Variants in LHX8 observed in about 807,000 individuals in gnomAD.
LHX8 encodes the protein LIM/homeobox protein Lhx8.
LHX8 carries 12 observed loss-of-function variants against 40.3 expected under a neutral mutation model. The observed-to-expected ratio is 0.30, with a 90% CI of 0.19 to 0.48. LHX8 has a LOEUF of 0.48. Ranked by LOEUF, LHX8 falls within the 20% of genes least tolerant of loss-of-function variation. The pLI, the probability that LHX8 is intolerant of heterozygous loss-of-function variation, is 0.99. For missense variants in LHX8, 344 were observed against 433.7 expected (o/e 0.79, Z 1.84); for synonymous variants, 179 against 162.0 (o/e 1.10, Z -0.80).
At chr1:75,155,549 T>C (rs1648741745) in intron 7 of LHX8, among the ~76,000 whole-genome samples, 1 of 152,114 alleles carries the variant, frequency 6.6e-6, no homozygotes, top group Non-Finnish European at 1.5e-5. Flanking sequence ...AGAAACACTC[T>C]CTATGGTCAA....
the LHX8 span, among the ~76,000 whole-genome samples, chr1:75,182,348 A>G: frequency 2.0e-5 from 3 of 146,562 alleles, no homozygotes; most frequent in African/African-American, 7.5e-5. Context: ...ATTCTGTTTC[A>G]TTAGTCTACA....
chr1:75,194,890 T>G, the LHX8 span, among the ~76,000 whole-genome samples: 1 of 152,188 alleles, frequency 6.6e-6, no homozygotes, highest in Non-Finnish European at 1.5e-5. Flanking sequence ...CAAACATTCC[T>G]CTTTATAATC....
At chr1:75,183,556 C>A in the LHX8 span, among the ~76,000 whole-genome samples, 3 of 152,102 alleles carry the variant, frequency 2.0e-5, no homozygotes, top group South Asian at 6.2e-4. Context: ...AAATAAAATC[C>A]TTTCCCTATA....
chr1:75,154,046 TTA>T (rs1648687072), intron 7 of LHX8, among the ~76,000 whole-genome samples: 1 of 152,218 alleles, frequency 6.6e-6, no homozygotes, highest in Non-Finnish European at 1.5e-5. Flanking sequence ...TGATTTTAGC[TTA>T]GTTTATGATT....
the LHX8 span, among the ~76,000 whole-genome samples, chr1:75,177,258 C>G: frequency 2.0e-5 from 3 of 152,098 alleles, no homozygotes; most frequent in Non-Finnish European, 4.4e-5. Context: ...TGTAAATTAC[C>G]TTGGGCAGTA....
the LHX8 span, among the ~76,000 whole-genome samples, chr1:75,181,904 G>A: frequency 5.9e-5 from 9 of 151,978 alleles, no homozygotes; most frequent in Non-Finnish European, 7.4e-5. Context: ...TTAGTCCTTC[G>A]TTGGGTGCAT....
the LHX8 span, among the ~76,000 whole-genome samples, chr1:75,173,528 G>A: frequency 5.9e-5 from 9 of 151,566 alleles, no homozygotes; most frequent in Admixed American, 1.3e-4. Context: ...GACTTCAGGC[G>A]CCCACCACCA....
chr1:75,137,939 C>T (rs1648199962), intron 3 of LHX8, among the ~76,000 whole-genome samples: 1 of 152,286 alleles, frequency 6.6e-6, no homozygotes, highest in Non-Finnish European at 1.5e-5. Flanking sequence ...CTAGGCCACT[C>T]AATGCTGTTG....
At chr1:75,188,861 A>G in the LHX8 span, among the ~76,000 whole-genome samples, 1 of 152,162 alleles carries the variant, frequency 6.6e-6, no homozygotes, top group African/African-American at 2.4e-5. Flanking sequence ...TTTCAGCCCC[A>G]CTATCAGACT....
At chr1:75,165,278 T>G (rs545496560), downstream of LHX8, among the ~76,000 whole-genome samples, 14 of 152,340 alleles carry the variant, frequency 9.2e-5, no homozygotes, top group Admixed American at 2.0e-4. Context: ...TTTAGGAAGC[T>G]TCAATTAACA....
At chr1:75,155,456 G>T (rs150800349) in intron 7 of LHX8, among the ~76,000 whole-genome samples, 2 of 151,976 alleles carry the variant, frequency 1.3e-5, no homozygotes, top group South Asian at 2.1e-4. Flanking sequence ...GGATGGTCTC[G>T]ATCTCCTGAC....
intron 8 of LHX8, 135 bp downstream of exon 8, chr1:75,157,211 T>C: frequency 1.1e-6 from 1 of 946,650 alleles, no homozygotes; most frequent in Non-Finnish European, 1.7e-6. Flanking sequence ...GGGGGTGCAG[T>C]AGAGAGCAAA....
chr1:75,156,033 C>G (rs1331762016), intron 7 of LHX8, among the ~76,000 whole-genome samples: 1 of 146,138 alleles, frequency 6.8e-6, no homozygotes, highest in Non-Finnish European at 1.5e-5. Flanking sequence ...ATTAAAAGAG[C>G]TTTTTCTGCT....
rs1434718816 is a variant in LHX8 at position 75,143,744 on chromosome 1, TAC to T, written c.581-99_581-98del. On this transcript the variant is annotated intron_variant, in intron 5 of 8. Transcript: ENST00000356261. ...GGGGTTTTGCCGTCTAGAAAACATA[TAC>T]AGTTACACAAAAAGCCAAGAGATAT... 3.5e-6 allele frequency: 3 copies of T among 857,064 alleles called. No homozygotes were observed. In the Admixed American group the frequency reaches 5.6e-5, roughly 16 times the overall value. The allele number at this position is 857,064 out of a possible 1,614,324, so 53.1% of individuals were successfully genotyped here. A position where few individuals can be genotyped will look rare whatever the true frequency, so the allele number is the denominator to read the frequency against.
chr1:75,177,888 CT>C, the LHX8 span, among the ~76,000 whole-genome samples: 2 of 152,022 alleles, frequency 1.3e-5, no homozygotes, highest in Non-Finnish European at 2.9e-5. Context: ...GGATGAATGG[CT>C]GTTGAATTTT....
chr1:75,169,181 T>C, the LHX8 span, among the ~76,000 whole-genome samples: 6 of 152,120 alleles, frequency 3.9e-5, no homozygotes, highest in African/African-American at 1.4e-4. Context: ...CCCCTACTCA[T>C]TCACTTGCTC....
At chr1:75,165,320 T>G (rs1649009329), downstream of LHX8, among the ~76,000 whole-genome samples, 1 of 152,208 alleles carries the variant, frequency 6.6e-6, no homozygotes, top group Admixed American at 6.5e-5. Flanking sequence ...TATGCAAGAA[T>G]TCTCCAGGGC....
Position 75,136,666 on chromosome 1 carries a change from A to T in LHX8, c.52A>T (p.Lys18Ter). Residue 18 changes from lysine (K) to a stop codon, truncating the protein, a stop_gained, in exon 2 of 9, where the codon AAA becomes TAA. Transcript: ENST00000356261. LOFTEE classifies it high-confidence loss of function. ...AGCCCTGGCGGCCGGGAGGACTCGC[A>T]AAGGCGCCGGGGAAGAGGGACTGGT... The part of the protein sequence containing the change: ...TTALAAGRTR[K>*]GAGEEGLVSP... 1.3e-6 allele frequency: 2 copies of T among 1,547,310 alleles called. No individual in the cohort carries two copies. The highest frequency in any genetic ancestry group is 1.7e-6 in the Non-Finnish European group (2 of 1,146,378).
chr1:75,184,991 C>G, the LHX8 span, among the ~76,000 whole-genome samples: 2 of 151,934 alleles, frequency 1.3e-5, no homozygotes, highest in African/African-American at 4.8e-5. Flanking sequence ...TGCAAACAAA[C>G]TAGAAAACCT....
Sources: gnomAD v4.1 joint callset for allele counts (sites outside exome capture counted in the v4.1 genomes callset) on GRCh38, gnomAD v4.1.1 for gene constraint, MANE v1.5 for transcripts, NCBI Gene and HGNC (gene_info 2026-07-23, HGNC 2026-07-21) for gene names.